The following PPM1L variants were observed in gnomAD, a reference collection of about 807,000 sequenced individuals.
PPM1L encodes protein phosphatase 1L.
Under a neutral mutation model 31.4 loss-of-function variants are expected in PPM1L, and 13 were observed. That is an observed-to-expected ratio of 0.41 (90% CI 0.27 to 0.66). The LOEUF (loss-of-function observed/expected upper bound fraction) is 0.66, where lower values mean the gene tolerates loss of function less well. Ranked by LOEUF, PPM1L falls within the 30% of genes least tolerant of loss-of-function variation. The pLI is 0.29. For synonymous variants in PPM1L, 184 were observed against 175.4 expected (o/e 1.05, Z -0.39); for missense variants, 326 against 453.7 (o/e 0.72, Z 2.56).
At chr3:160,768,821 A>G (rs1715176125) in intron 1 of PPM1L, among the ~76,000 whole-genome samples, 1 of 152,198 alleles carries the variant, frequency 6.6e-6, no homozygotes, top group Non-Finnish European at 1.5e-5. Context: ...TCACATAACA[A>G]AAGGCCCAAA....
chr3:160,842,346 A>G, intron 1 of PPM1L: 1 of 699,996 alleles, frequency 1.4e-6, no homozygotes, highest in Non-Finnish European at 2.6e-6. Context: ...GGTAATGAAT[A>G]ATGGGAAATA....
intron 1 of PPM1L, among the ~76,000 whole-genome samples, chr3:160,835,978 T>C (rs774410673): frequency 1.3e-5 from 2 of 152,086 alleles, no homozygotes; most frequent in African/African-American, 2.4e-5. Context: ...CCATGACTTC[T>C]TATCCTTCTC....
chr3:160,944,803 A>ATATATTATATATATATGT (rs752118269), intron 1 of PPM1L, among the ~76,000 whole-genome samples: 1 of 59,254 alleles, frequency 1.7e-5, no homozygotes, highest in African/African-American at 5.6e-5. Flanking sequence ...TATATATAAC[A>ATATATTATATATATATGT]TATATAACAT....
chr3:160,906,541 G>C (rs1019131223), intron 1 of PPM1L, among the ~76,000 whole-genome samples: 1 of 152,164 alleles, frequency 6.6e-6, no homozygotes, highest in African/African-American at 2.4e-5. Context: ...GGCGGCGGTT[G>C]CAGTGAGCCA....
At chr3:160,942,122 G>A (rs566440756) in intron 1 of PPM1L, among the ~76,000 whole-genome samples, 1 of 152,198 alleles carries the variant, frequency 6.6e-6, no homozygotes, top group African/African-American at 2.4e-5. Context: ...ACAGATGCAT[G>A]CTTCACCAAA....
chr3:160,955,300 G>A (rs1197369281), intron 1 of PPM1L, among the ~76,000 whole-genome samples: 1 of 151,508 alleles, frequency 6.6e-6, no homozygotes, highest in African/African-American at 2.4e-5. Flanking sequence ...TGTGAGCTAC[G>A]GTGCCCAGCC....
At position 160,945,487 on chromosome 3, in the gene PPM1L, A is replaced by G. The variant is rs1436135039; in HGVS notation, c.400-16249A>G. Among the ~76,000 whole-genome samples, 3 of 152,108 alleles carry G rather than the reference A, an allele frequency of 2.0e-5. No individual in the cohort carries two copies. In the East Asian group the frequency reaches 5.8e-4, roughly 29 times the overall value. The stretch of plus-strand genomic sequence containing the variant: ...GAATACTGTATTGAGAAGGAATCTC[A>G]GGGTCAATCTAGGTTCAGTGGTAAA... On this transcript the variant is annotated intron_variant, in intron 1 of 3. Coordinates refer to ENST00000498165, the MANE Select transcript of PPM1L (RefSeq NM_139245.4).
At chr3:161,015,988 T>C (rs9857855) in intron 2 of PPM1L, among the ~76,000 whole-genome samples, 51,839 of 152,026 alleles carry the variant, frequency 0.34, 9,249 homozygotes, top group East Asian at 0.64. Context: ...AAAGGAGAGA[T>C]GTGGCCTGGG....
At chr3:161,043,617 A>C (rs780864825) in intron 2 of PPM1L, among the ~76,000 whole-genome samples, 1 of 152,212 alleles carries the variant, frequency 6.6e-6, no homozygotes, top group Non-Finnish European at 1.5e-5. Context: ...TTTATTGCAA[A>C]TCAGCCACCA....
chr3:160,925,467 A>G (rs142227645), intron 1 of PPM1L, among the ~76,000 whole-genome samples: 90 of 152,286 alleles, frequency 5.9e-4, no homozygotes, highest in African/African-American at 1.9e-3. Flanking sequence ...TTCTAATGTG[A>G]TTATTATTAA....
intron 2 of PPM1L, among the ~76,000 whole-genome samples, chr3:161,042,752 G>A (rs897744644): frequency 1.1e-4 from 17 of 152,160 alleles, no homozygotes; most frequent in Non-Finnish European, 2.5e-4. Context: ...CAGGCACCGT[G>A]GCTCACGCCT....
At chr3:160,849,895 C>T (rs1235900145) in intron 1 of PPM1L, among the ~76,000 whole-genome samples, 1 of 152,206 alleles carries the variant, frequency 6.6e-6, no homozygotes, top group Non-Finnish European at 1.5e-5. Flanking sequence ...CTTCCATACA[C>T]TCACACCCAA....
intron 1 of PPM1L, among the ~76,000 whole-genome samples, chr3:160,820,761 T>C (rs1184350152): frequency 1.3e-5 from 2 of 152,100 alleles, no homozygotes; most frequent in Non-Finnish European, 1.5e-5. Flanking sequence ...TATACCATCA[T>C]CTGTTTATCT....
intron 1 of PPM1L, among the ~76,000 whole-genome samples, chr3:160,918,424 T>C (rs1714266512): frequency 6.6e-6 from 1 of 152,224 alleles, no homozygotes; most frequent in African/African-American, 2.4e-5. Flanking sequence ...TTTGGAAAAT[T>C]TGCGCTCTAA....
chr3:160,999,830 A>G (rs1284869909), intron 2 of PPM1L, among the ~76,000 whole-genome samples: 4 of 152,264 alleles, frequency 2.6e-5, no homozygotes. Context: ...TTGACTCACC[A>G]GAAGTGTCCT....
intron 1 of PPM1L, among the ~76,000 whole-genome samples, chr3:160,827,895 A>G (rs1362707303): frequency 6.6e-6 from 1 of 152,056 alleles, no homozygotes; most frequent in Non-Finnish European, 1.5e-5. Context: ...GCCTCATGGA[A>G]CTTTTACTCA....
At chr3:160,758,862 G>A (rs777983291) in intron 1 of PPM1L, among the ~76,000 whole-genome samples, 4 of 152,098 alleles carry the variant, frequency 2.6e-5, no homozygotes, top group Non-Finnish European at 5.9e-5. Flanking sequence ...TAAAAAGCAT[G>A]CTGTTTGCAA....
At chr3:161,022,050 T>C (rs1465936504) in intron 2 of PPM1L, 1 of 514,040 alleles carries the variant, frequency 1.9e-6, no homozygotes, top group Non-Finnish European at 3.4e-6. Flanking sequence ...TATTTGTTTT[T>C]TATATGTCTT....
chr3:160,980,819 A>G (rs748345555), intron 2 of PPM1L, among the ~76,000 whole-genome samples: 4 of 152,008 alleles, frequency 2.6e-5, no homozygotes, highest in Non-Finnish European at 5.9e-5. Context: ...GAGGGAAGGA[A>G]GGTAGAAGGA....
Sources: allele counts gnomAD v4.1 joint callset (sites outside exome capture counted in the v4.1 genomes callset), GRCh38; gene constraint gnomAD v4.1.1; transcripts MANE v1.5; gene names NCBI Gene and HGNC (gene_info 2026-07-23, HGNC 2026-07-21).